PLCB4: variants seen among roughly 807,000 people sequenced by gnomAD.
PLCB4 encodes phospholipase C beta 4, also known as 1-phosphatidylinositol 4,5-bisphosphate phosphodiesterase beta-4.
Under a neutral mutation model 178.8 loss-of-function variants are expected in PLCB4, and 77 were observed. That is an observed-to-expected ratio of 0.43 (90% confidence interval 0.36 to 0.52). PLCB4 has a LOEUF of 0.52. Ranked by LOEUF, PLCB4 falls within the 20% of genes least tolerant of loss-of-function variation. PLCB4 has a pLI of 0.00. For missense variants in PLCB4, 1,024 were observed against 1,453.4 expected (o/e 0.70, Z 4.80); for synonymous variants, 496 against 490.8 (o/e 1.01, Z -0.14).
At chr20:9,260,781 A>G (rs2147543928) in intron 3 of PLCB4, among the ~76,000 whole-genome samples, 2 of 152,218 alleles carry the variant, frequency 1.3e-5, no homozygotes, top group South Asian at 4.1e-4. Context: ...GATTTTATTT[A>G]CTTAGATTTG....
intron 2 of PLCB4, among the ~76,000 whole-genome samples, chr20:9,167,094 A>T (rs979202277): frequency 6.6e-6 from 1 of 151,946 alleles, no homozygotes; most frequent in Admixed American, 6.6e-5. Flanking sequence ...TTTCCATAAG[A>T]CATGTATAGG....
intron 7 of PLCB4, among the ~76,000 whole-genome samples, chr20:9,353,357 T>C (rs886168416): frequency 3.9e-5 from 6 of 152,192 alleles, no homozygotes; most frequent in Non-Finnish European, 7.4e-5. Context: ...TCTTGTCCCA[T>C]GGGCATGTGG....
chr20:9,405,076 A>G lies in PLCB4; in HGVS notation c.1612-237A>G, dbSNP rs538986998. ...ACTAATTAAATAATTATAATAAAAC[A>G]TCTAAGTAGGTAAAGACTGTCCACG... On this transcript the variant is annotated intron_variant, in intron 20 of 39. Coordinates refer to ENST00000378473, the MANE Select transcript of PLCB4 (RefSeq NM_001377142.1). Among the ~76,000 whole-genome samples, 13 of 152,318 alleles carry G rather than the reference A, an allele frequency of 8.5e-5. No individual in the cohort carries two copies. In the East Asian group the frequency reaches 2.5e-3, roughly 29 times the overall value.
At chr20:9,338,799 T>C in intron 6 of PLCB4, 95 bp from the exon 7 acceptor site, 1 of 948,074 alleles carries the variant, frequency 1.1e-6, no homozygotes, top group Non-Finnish European at 1.6e-6. Context: ...CTTATGTTTA[T>C]TTTTACATTA....
intron 30 of PLCB4, among the ~76,000 whole-genome samples, chr20:9,441,861 C>T (rs912730387): frequency 6.6e-6 from 1 of 151,478 alleles, no homozygotes; most frequent in African/African-American, 2.4e-5. Flanking sequence ...AAATTCCAAA[C>T]TGTTTTTCTT....
intron 32 of PLCB4, among the ~76,000 whole-genome samples, chr20:9,451,457 A>AT (rs1365670566): frequency 6.6e-6 from 1 of 152,088 alleles, no homozygotes; most frequent in African/African-American, 2.4e-5. Context: ...TATTTATTTA[A>AT]TTTTTTGCCC....
At chr20:9,450,544 G>A (rs1217810578) in intron 32 of PLCB4, among the ~76,000 whole-genome samples, 1 of 151,778 alleles carries the variant, frequency 6.6e-6, no homozygotes, top group African/African-American at 2.4e-5. Flanking sequence ...AATTCAATAT[G>A]CTTTCAGTTT....
In PLCB4 at chr20:9,380,116, G is replaced by A. The variant is rs753545108; in HGVS notation, c.807G>A (p.Met269Ile). ...LFPFYDAKRA[M>I]QIIEMYEPDE... ...CATTTTATGATGCCAAAAGGGCAAT[G>A]CAGATCATTGAGATGTATGAACCTG... Residue 269 changes from methionine to isoleucine, a missense_variant, in exon 13 of 40, where the codon ATG (methionine) becomes ATA (isoleucine). Physicochemically the swap from Met to Ile is conservative, Grantham distance 10. Around this residue, in one of 7 missense-constraint regions of PLCB4, gnomAD observed 37 missense variants for 28.6 expected, o/e 1.30. Transcript: ENST00000378473. 1.9e-6 allele frequency: 3 copies of A among 1,596,490 alleles called. No individual in the cohort carries two copies. The South Asian group carries it at 3.4e-5, about 18-fold the overall frequency.
intron 1 of PLCB4, among the ~76,000 whole-genome samples, chr20:9,075,200 A>G (rs1465660919): frequency 2.0e-5 from 3 of 152,202 alleles, no homozygotes; most frequent in Non-Finnish European, 4.4e-5. Context: ...GTAGGCTGAC[A>G]TCAGAACTCC....
chr20:9,307,494 TACACACAC>T (rs745918024), intron 3 of PLCB4, among the ~76,000 whole-genome samples: 5,771 of 137,918 alleles, frequency 0.042, 145 homozygotes, highest in East Asian at 0.046. Flanking sequence ...AAAAAAAGAA[TACACACAC>T]ACACACACAC....
At chr20:9,369,584 C>T (rs1268987895) in intron 9 of PLCB4, among the ~76,000 whole-genome samples, 1 of 152,152 alleles carries the variant, frequency 6.6e-6, no homozygotes, top group African/African-American at 2.4e-5. Context: ...TCACAGGCCT[C>T]CTTATATTTG....
intron 1 of PLCB4, among the ~76,000 whole-genome samples, chr20:9,082,460 G>A (rs1315399526): frequency 6.6e-6 from 1 of 152,134 alleles, no homozygotes; most frequent in Non-Finnish European, 1.5e-5. Flanking sequence ...CAAGCTTGGA[G>A]CATTAATAGG....
Position 9,289,667 on chromosome 20 carries a change from A to G in PLCB4, c.-15-18133A>G, listed in dbSNP as rs185437798. Among the ~76,000 whole-genome samples the G allele has an allele frequency of 1.6e-3, 242 of 152,178 alleles. 3 individuals are homozygous for G. The highest frequency in any genetic ancestry group is 2.6e-4 in the Non-Finnish European group (18 of 68,010). On this transcript the variant is annotated intron_variant, in intron 3 of 39. Coordinates refer to ENST00000378473, the MANE Select transcript of PLCB4 (RefSeq NM_001377142.1). ...GTTTCCCTCATTTTGGTTGGAGGCC[A>G]TATCTTTAGAGTGTTTTTTTACTTG...
intron 2 of PLCB4, among the ~76,000 whole-genome samples, chr20:9,130,233 GT>G (rs1300940360): frequency 6.6e-6 from 1 of 152,084 alleles, no homozygotes; most frequent in Non-Finnish European, 1.5e-5. Flanking sequence ...ATTAGTTTAA[GT>G]ATTTACACAC....
At chr20:9,104,633 T>G (rs2091297439) in intron 2 of PLCB4, among the ~76,000 whole-genome samples, 1 of 152,156 alleles carries the variant, frequency 6.6e-6, no homozygotes, top group South Asian at 2.1e-4. Flanking sequence ...AACAGTCCAT[T>G]TATTAGTTTA....
At chr20:9,323,820 C>G (rs1442586190) in intron 4 of PLCB4, among the ~76,000 whole-genome samples, 1 of 152,160 alleles carries the variant, frequency 6.6e-6, no homozygotes, top group East Asian at 1.9e-4. Context: ...AGTGAGGCTC[C>G]TCTGGTGGGC....
Position 9,401,551 on chromosome 20 carries a change from C to T in PLCB4, c.1572C>T (p.Asp524=). The change falls in exon 20 of 40, where the codon GAC becomes GAT. Residue 524 remains aspartate (D), a synonymous_variant. Coordinates refer to ENST00000378473, the MANE Select transcript of PLCB4 (RefSeq NM_001377142.1). ...TTGGAAATGAACTTTCTGCTGATGACTTGGGTCACAAGGAAGCTGTTGCAA... is the reference window on the plus strand; with the variant it reads ...TTGGAAATGAACTTTCTGCTGATGATTTGGGTCACAAGGAAGCTGTTGCAA... ...FKFGNELSAD[D]LGHKEAVANS... 6.2e-7 allele frequency: 1 copy of T among 1,613,802 alleles called. No individual in the cohort carries two copies. The highest frequency in any genetic ancestry group is 8.5e-7 in the Non-Finnish European group (1 of 1,179,804).
chr20:9,384,368 T>A lies in PLCB4; in HGVS notation c.1021T>A (p.Ser341Thr), dbSNP rs763613208. 2.5e-6 allele frequency: 4 copies of A among 1,614,076 alleles called. No homozygotes were observed. Among genetic ancestry groups the A allele is most frequent in the Admixed American group, 3.3e-5 (2 of 60,010 alleles). Reference protein sequence around the residue: ...YLTGRQFGGKSSVEMYRQVLL... With the variant: ...YLTGRQFGGKTSVEMYRQVLL... ...CACTGGCAGACAGTTCGGCGGGAAGTCTTCGGTAGAAATGTACAGACAGGT... is the reference window on the plus strand; with the variant it reads ...CACTGGCAGACAGTTCGGCGGGAAGACTTCGGTAGAAATGTACAGACAGGT... The change falls in exon 14 of 40, where the codon TCT becomes ACT. Residue 341 changes from serine (S) to threonine (T), a missense_variant. Ser to Thr is a moderately conservative substitution (Grantham distance 58). This residue lies in a region of PLCB4 where 263 missense variants were observed against 417.4 expected (regional missense o/e 0.63). Coordinates refer to ENST00000378473, the MANE Select transcript of PLCB4 (RefSeq NM_001377142.1).
intron 2 of PLCB4, among the ~76,000 whole-genome samples, chr20:9,110,950 AT>A (rs932438751): frequency 6.6e-6 from 1 of 152,180 alleles, no homozygotes; most frequent in African/African-American, 2.4e-5. Flanking sequence ...TCTTTCATCA[AT>A]TTTTTTGACT....
Sources: gnomAD v4.1 joint callset for allele counts (sites outside exome capture counted in the v4.1 genomes callset) on GRCh38, gnomAD v4.1.1 for gene constraint, gnomAD v4.1.1 regional missense constraint, MANE v1.5 for transcripts, NCBI Gene and HGNC (gene_info 2026-07-23, HGNC 2026-07-21) for gene names.